Variants in TBL1X observed in about 807,000 individuals in gnomAD.
The protein encoded by TBL1X is transducin beta like 1 X-linked.
TBL1X carries 10 observed loss-of-function variants against 50.7 expected under a neutral mutation model. The ratio of observed to expected loss-of-function variants is 0.20; its 90% CI spans 0.12 to 0.33. The LOEUF (loss-of-function observed/expected upper bound fraction) is 0.33. Ranked by LOEUF, TBL1X falls within the 10% of genes least tolerant of loss-of-function variation. TBL1X has a pLI of 1.00. For missense variants in TBL1X, 340 were observed against 504.4 expected (o/e 0.67, Z 3.12); for synonymous variants, 190 against 214.7 (o/e 0.88, Z 1.01).
chrX:9,474,386 T>A (rs2081836269), intron 1 of TBL1X, among the ~76,000 whole-genome samples: 1 of 113,292 alleles, frequency 8.8e-6, no homozygotes, highest in African/African-American at 3.2e-5. Context: ...TCCTCTGACT[T>A]CAGCTACTAA....
intron 4 of TBL1X, 120 bp from the exon 5 acceptor site, chrX:9,654,095 T>C (rs1053915074): frequency 7.5e-6 from 4 of 533,788 alleles, no homozygotes; most frequent in African/African-American, 7.2e-5. Context: ...TATAACACAA[T>C]CAGATATTAA....
intron 1 of TBL1X, among the ~76,000 whole-genome samples, chrX:9,493,900 G>C (rs2081959339): frequency 8.9e-6 from 1 of 112,054 alleles, no homozygotes; most frequent in Admixed American, 9.5e-5. Flanking sequence ...ATTTAGTCCT[G>C]ATGCTGTCCC....
At chrX:9,563,999 A>G (rs1230714597) in intron 2 of TBL1X, among the ~76,000 whole-genome samples, 1 of 113,031 alleles carries the variant, frequency 8.8e-6, no homozygotes, top group Non-Finnish European at 1.9e-5. Flanking sequence ...TGGAATCAGA[A>G]TGACATTGTA....
intron 1 of TBL1X, among the ~76,000 whole-genome samples, chrX:9,480,791 C>T (rs1421474238): frequency 1.2e-5 from 1 of 81,036 alleles, no homozygotes; most frequent in Non-Finnish European, 2.2e-5. Flanking sequence ...ATCTGGTTAA[C>T]CTTCCAGATA....
In TBL1X at chrX:9,719,540, C is replaced by T. The variant is rs1399652016; in HGVS notation, c.*3294C>T. On this transcript the variant is annotated 3_prime_UTR_variant, in exon 18 of 18. Transcript: ENST00000645353. ...TGTCTGTGTCAGACGTACAGCCAGA[C>T]ATGTTCTCTATTGGCATTTTTCCGA... 1.8e-5 allele frequency: 2 copies of T among 111,445 alleles called. No homozygotes were observed. Among genetic ancestry groups the T allele is most frequent in the African/African-American group, 6.6e-5 (2 of 30,514 alleles). The allele number at this position is 111,445 out of a possible 1,213,427, so 9.2% of individuals were successfully genotyped here.
chrX:9,484,325 C>G (rs2081899252), intron 1 of TBL1X, among the ~76,000 whole-genome samples: 1 of 111,520 alleles, frequency 9.0e-6, no homozygotes, highest in Non-Finnish European at 1.9e-5. Context: ...CATACACACA[C>G]ACACACACAC....
chrX:9,514,649 G>C (rs1438168715), intron 2 of TBL1X, among the ~76,000 whole-genome samples: 3 of 112,289 alleles, frequency 2.7e-5, no homozygotes, highest in Non-Finnish European at 5.6e-5. Flanking sequence ...TCCCAGTACT[G>C]TGTCCTTTAC....
intron 1 of TBL1X, among the ~76,000 whole-genome samples, chrX:9,495,540 CAGTG>C (rs2081967045): frequency 9.0e-6 from 1 of 111,325 alleles, no homozygotes; most frequent in Non-Finnish European, 1.9e-5. Flanking sequence ...GGAAAATACA[CAGTG>C]AGGCTTCTGC....
chrX:9,702,848 C>T (rs1161477497), intron 12 of TBL1X, among the ~76,000 whole-genome samples: 1 of 111,569 alleles, frequency 9.0e-6, no homozygotes, highest in Non-Finnish European at 1.9e-5. Flanking sequence ...TAGAGTTGCC[C>T]TAACCCTGCT....
intron 5 of TBL1X, among the ~76,000 whole-genome samples, chrX:9,670,002 T>A (rs901466456): frequency 1.8e-5 from 2 of 111,837 alleles, no homozygotes; most frequent in African/African-American, 6.5e-5. Flanking sequence ...GTTTATAGTT[T>A]CAATGATAAT....
intron 2 of TBL1X, among the ~76,000 whole-genome samples, chrX:9,557,335 C>T (rs945281071): frequency 1.8e-5 from 2 of 112,320 alleles, no homozygotes; most frequent in Non-Finnish European, 3.8e-5. Context: ...GATCAGACTT[C>T]TGCTTTAGGA....
At position 9,716,239 on chromosome X, in the gene TBL1X, G is replaced by A. The variant is rs772530555; in HGVS notation, c.1727G>A (p.Arg576Gln). 9.1e-6 allele frequency: 11 copies of A among 1,208,011 alleles called. No individual in the cohort carries two copies. The highest frequency in any genetic ancestry group is 8.8e-5 in the South Asian group (5 of 56,553). Residue 576 changes from arginine to glutamine, a missense_variant, in exon 18 of 18, where the codon CGG becomes CAG. Coordinates refer to ENST00000645353, the MANE Select transcript of TBL1X (RefSeq NM_005647.4). Reference protein sequence around the residue: ...SDGSVCVLDLRK With the variant: ...SDGSVCVLDLQK ...TTCCAGGTGTGTGTTTTGGATCTGC[G>A]GAAGTAACCACAAAATATTATCGAA... is the stretch of plus-strand genomic sequence containing the variant.
At chrX:9,605,152 C>T (rs753914718) in intron 2 of TBL1X, among the ~76,000 whole-genome samples, 1 of 110,290 alleles carries the variant, frequency 9.1e-6, no homozygotes, top group South Asian at 3.9e-4. Flanking sequence ...TGACACAGGG[C>T]CACACAGGAT....
At chrX:9,510,958 G>A (rs940313960) in intron 2 of TBL1X, among the ~76,000 whole-genome samples, 2 of 111,484 alleles carry the variant, frequency 1.8e-5, no homozygotes, top group African/African-American at 6.5e-5. Context: ...ATCCATCCAC[G>A]CACGCACACA....
intron 12 of TBL1X, among the ~76,000 whole-genome samples, chrX:9,704,427 G>A (rs2083194296): frequency 8.9e-6 from 1 of 112,067 alleles, no homozygotes; most frequent in Admixed American, 9.4e-5. Flanking sequence ...CTTCTTAACT[G>A]TGCCATGGGA....
At chrX:9,586,407 G>A (rs758295872) in intron 2 of TBL1X, among the ~76,000 whole-genome samples, 1 of 112,615 alleles carries the variant, frequency 8.9e-6, no homozygotes, top group African/African-American at 3.2e-5. Flanking sequence ...GAGAAATACT[G>A]TATAATCCCA....
At chrX:9,615,032 A>G (rs1458320108) in intron 2 of TBL1X, among the ~76,000 whole-genome samples, 1 of 111,716 alleles carries the variant, frequency 9.0e-6, no homozygotes, top group African/African-American at 3.3e-5. Flanking sequence ...CGCAGCTATA[A>G]TGGTGATCCT....
intron 1 of TBL1X, among the ~76,000 whole-genome samples, chrX:9,469,239 G>A (rs895448664): frequency 9.0e-6 from 1 of 111,291 alleles, no homozygotes; most frequent in Non-Finnish European, 1.9e-5. Flanking sequence ...GTGCGATCTC[G>A]GCTCACTCTG....
intron 2 of TBL1X, among the ~76,000 whole-genome samples, chrX:9,509,482 C>CTT (rs63110360): frequency 0.47 from 29,913 of 63,438 alleles, 7,724 homozygotes; most frequent in Non-Finnish European, 0.56. Context: ...TACAGAATCG[C>CTT]TTTTTTTTTT....
Sources: allele counts gnomAD v4.1 joint callset (sites outside exome capture counted in the v4.1 genomes callset), GRCh38; gene constraint gnomAD v4.1.1; transcripts MANE v1.5; gene names NCBI Gene and HGNC (gene_info 2026-07-23, HGNC 2026-07-21).